The following MAF variants were observed in gnomAD, a reference collection of about 807,000 sequenced individuals.
The protein encoded by MAF is transcription factor Maf.
MAF carries 10 observed loss-of-function variants against 22.0 expected under a neutral mutation model. The ratio of observed to expected loss-of-function variants is 0.45; its 90% CI spans 0.28 to 0.77. The LOEUF is 0.77. MAF is among the 30% of genes least tolerant of loss of function. The pLI, the probability that MAF is intolerant of heterozygous loss-of-function variation, is 0.12. For synonymous variants in MAF, 337 were observed against 255.8 expected (o/e 1.32, Z -3.03); for missense variants, 544 against 548.4 (o/e 0.99, Z 0.08).
At chr16:79,437,542 A>G in the MAF span, among the ~76,000 whole-genome samples, 1 of 152,134 alleles carries the variant, frequency 6.6e-6, no homozygotes, top group African/African-American at 2.4e-5. Flanking sequence ...GGAGGTACCC[A>G]GAGCCAGCCA....
the MAF span, among the ~76,000 whole-genome samples, chr16:79,482,980 CCCTCCCCTCCCCTCACT>C: frequency 5.2e-5 from 3 of 57,516 alleles, no homozygotes; most frequent in Non-Finnish European, 3.5e-5. Context: ...CTCCTTCCCT[CCCTCCCCTCCCCTCACT>C]CCCTCCTTCC....
chr16:79,355,730 G>A, the MAF span, among the ~76,000 whole-genome samples: 4 of 152,178 alleles, frequency 2.6e-5, no homozygotes, highest in African/African-American at 9.7e-5. Context: ...GGCAATCCGT[G>A]TTGAACTTTT....
the MAF span, among the ~76,000 whole-genome samples, chr16:79,335,120 T>G: frequency 4.0e-5 from 6 of 148,960 alleles, no homozygotes; most frequent in Non-Finnish European, 5.9e-5. Context: ...GGGAGGCAGA[T>G]GTTGCAGTAA....
chr16:79,391,410 G>T, the MAF span, among the ~76,000 whole-genome samples: 58 of 152,326 alleles, frequency 3.8e-4, no homozygotes, highest in African/African-American at 1.4e-3. Context: ...CCACAGATAG[G>T]AGGGAAGCAA....
chr16:79,366,488 G>C, the MAF span, among the ~76,000 whole-genome samples: 3 of 152,180 alleles, frequency 2.0e-5, no homozygotes, highest in African/African-American at 4.8e-5. Context: ...CCTACAGTTA[G>C]GAATTCTCTC....
chr16:79,217,790 G>A, the MAF span, among the ~76,000 whole-genome samples: 1 of 152,020 alleles, frequency 6.6e-6, no homozygotes, highest in Non-Finnish European at 1.5e-5. Flanking sequence ...AGAAATTGAA[G>A]CATTCCCCAG....
At chr16:79,409,962 G>C in the MAF span, among the ~76,000 whole-genome samples, 1 of 152,150 alleles carries the variant, frequency 6.6e-6, no homozygotes, top group Admixed American at 6.5e-5. Context: ...GCCTGAGAAA[G>C]ACTCCATACC....
In MAF at chr16:79,600,127, C is replaced by G; in HGVS notation, c.-225G>C. 1.9e-6 allele frequency: 1 copy of G among 526,726 alleles called. No individual in the cohort carries two copies. The highest frequency in any genetic ancestry group is 4.1e-5 in the Admixed American group (1 of 24,610). The allele number at this position is 526,726 out of a possible 1,614,324, so 32.6% of individuals were successfully genotyped here. A position where few individuals can be genotyped will look rare whatever the true frequency, so the allele number is the denominator to read the frequency against. On this transcript the variant is annotated 5_prime_UTR_variant, in exon 1 of 2. Transcript: ENST00000326043. ...CCGCCCTCCCTCCCCCCTGCTCACG[C>G]CAATGTGCTCCCTCGCTCGCCCCGG...
chr16:79,213,468 C>G, the MAF span, among the ~76,000 whole-genome samples: 1 of 151,680 alleles, frequency 6.6e-6, no homozygotes, highest in Non-Finnish European at 1.5e-5. Context: ...GTCAGAACTC[C>G]ACTCTCAGAA....
the MAF span, among the ~76,000 whole-genome samples, chr16:79,267,219 T>A: frequency 6.6e-6 from 1 of 152,200 alleles, no homozygotes; most frequent in Admixed American, 6.5e-5. Context: ...TTCACACTGA[T>A]GAAGCAGCTG....
chr16:79,488,727 T>C, the MAF span, among the ~76,000 whole-genome samples: 1 of 152,310 alleles, frequency 6.6e-6, no homozygotes, highest in East Asian at 1.9e-4. Context: ...TCCTGTGTCT[T>C]GCTATGTCAG....
At chr16:79,528,020 G>A in the MAF span, among the ~76,000 whole-genome samples, 2 of 152,168 alleles carry the variant, frequency 1.3e-5, no homozygotes, top group Admixed American at 6.5e-5. Flanking sequence ...GTGCGCACCT[G>A]TAATCCCAGC....
the MAF span, among the ~76,000 whole-genome samples, chr16:79,282,196 A>G: frequency 6.6e-6 from 1 of 152,168 alleles, no homozygotes; most frequent in Non-Finnish European, 1.5e-5. Flanking sequence ...TAGGAAGCCA[A>G]AAGTCTGTCT....
At chr16:79,545,554 T>C in the MAF span, among the ~76,000 whole-genome samples, 14,981 of 151,300 alleles carry the variant, frequency 0.099, 833 homozygotes, top group South Asian at 0.16. Flanking sequence ...CAATAGAAAA[T>C]CGTGGACATT....
chr16:79,580,021 G>A, the MAF span, among the ~76,000 whole-genome samples: 4 of 151,916 alleles, frequency 2.6e-5, no homozygotes, highest in East Asian at 1.9e-4. Flanking sequence ...AACAAAATAG[G>A]ACGAAAACAA....
chr16:79,425,360 G>T, the MAF span, among the ~76,000 whole-genome samples: 1 of 151,514 alleles, frequency 6.6e-6, no homozygotes, highest in Non-Finnish European at 1.5e-5. Flanking sequence ...GGCCTCTATG[G>T]GTAAAAAAAA....
the MAF span, among the ~76,000 whole-genome samples, chr16:79,449,140 G>A: frequency 1.1e-4 from 17 of 152,132 alleles, no homozygotes; most frequent in Non-Finnish European, 1.8e-4. Flanking sequence ...TTCACAATAG[G>A]GTTTGTATTC....
At chr16:79,501,418 A>C in the MAF span, among the ~76,000 whole-genome samples, 1 of 152,182 alleles carries the variant, frequency 6.6e-6, no homozygotes, top group Non-Finnish European at 1.5e-5. Context: ...CTGGGTGGAC[A>C]TAAACTCTGG....
the MAF span, among the ~76,000 whole-genome samples, chr16:79,365,233 C>T: frequency 4.7e-4 from 72 of 152,270 alleles, 2 homozygotes; most frequent in African/African-American, 1.6e-3. Context: ...GGTAAGTTTG[C>T]TCTATGTTTT....
Sources: gnomAD v4.1 joint callset for allele counts (sites outside exome capture counted in the v4.1 genomes callset) on GRCh38, gnomAD v4.1.1 for gene constraint, MANE v1.5 for transcripts, NCBI Gene and HGNC (gene_info 2026-07-23, HGNC 2026-07-21) for gene names.